The following DAB1 variants were observed in gnomAD, a reference collection of about 807,000 sequenced individuals.
The protein encoded by DAB1 is disabled homolog 1.
DAB1 carries 15 observed loss-of-function variants against 64.6 expected under a neutral mutation model. The ratio of observed to expected loss-of-function variants is 0.23; its 90% CI spans 0.16 to 0.36. The LOEUF (loss-of-function observed/expected upper bound fraction) is 0.36. Among genes scored for constraint, DAB1 ranks in the 10% least tolerant of loss-of-function variants. The pLI is 1.00. For synonymous variants in DAB1, 235 were observed against 251.9 expected (o/e 0.93, Z 0.64); for missense variants, 596 against 706.7 (o/e 0.84, Z 1.78).
At chr1:57,673,819 T>C (rs1385014579) in intron 6 of DAB1, among the ~76,000 whole-genome samples, 1 of 152,204 alleles carries the variant, frequency 6.6e-6, no homozygotes, top group Non-Finnish European at 1.5e-5. Context: ...ATAGACTAAT[T>C]AGTCTTTCAC....
At chr1:58,528,085 T>A (rs1440000912) in intron 1 of DAB1, among the ~76,000 whole-genome samples, 1 of 152,246 alleles carries the variant, frequency 6.6e-6, no homozygotes, top group African/African-American at 2.4e-5. Flanking sequence ...TGAAATAATA[T>A]AATAAATCTG....
At chr1:58,024,313 G>T (rs1442105744) in intron 5 of DAB1, among the ~76,000 whole-genome samples, 1 of 152,128 alleles carries the variant, frequency 6.6e-6, no homozygotes, top group African/African-American at 2.4e-5. Flanking sequence ...GGTTTGAGTT[G>T]GCCTGAGTCA....
At chr1:57,657,081 C>G (rs1349401208) in intron 6 of DAB1, among the ~76,000 whole-genome samples, 3 of 152,172 alleles carry the variant, frequency 2.0e-5, no homozygotes, top group African/African-American at 7.2e-5. Context: ...GGCTTAGAAC[C>G]CCAGCATCTC....
At chr1:58,328,424 G>A (rs190137414) in intron 4 of DAB1, among the ~76,000 whole-genome samples, 1 of 152,276 alleles carries the variant, frequency 6.6e-6, no homozygotes, top group Non-Finnish European at 1.5e-5. Flanking sequence ...ATCCTCTCCA[G>A]CAGCATCGGC....
chr1:57,257,978 C>A (rs1219643002), intron 2 of DAB1, among the ~76,000 whole-genome samples: 1 of 152,172 alleles, frequency 6.6e-6, no homozygotes, highest in African/African-American at 2.4e-5. Context: ...CCTGCAATAT[C>A]CCATGTAAGG....
chr1:58,397,465 C>G (rs138462964), intron 3 of DAB1, among the ~76,000 whole-genome samples: 12 of 152,270 alleles, frequency 7.9e-5, no homozygotes, highest in African/African-American at 2.9e-4. Context: ...TTACCTCTCT[C>G]GTCAACCCTC....
At chr1:57,655,999 C>T (rs760287654) in intron 6 of DAB1, among the ~76,000 whole-genome samples, 2 of 152,122 alleles carry the variant, frequency 1.3e-5, no homozygotes, top group African/African-American at 4.8e-5. Flanking sequence ...CCCAATATGA[C>T]GGTCTTAGGA....
Position 57,262,993 on chromosome 1 carries a change from C to T in DAB1, c.67+27971G>A, listed in dbSNP as rs75003094. 4.7e-3 allele frequency among the ~76,000 whole-genome samples: 717 copies of T among 152,304 alleles called. 6 individuals carry two copies. The highest frequency in any genetic ancestry group is 0.016 in the African/African-American group (674 of 41,556). ...GTGTGGTGGTATAAGGGGCTATCTT[C>T]CCTCAAGGAGCTCATGGACGTGAAT... On this transcript the variant is annotated intron_variant, in intron 2 of 14. Coordinates refer to ENST00000371236, the MANE Select transcript of DAB1 (RefSeq NM_001365792.1).
At chr1:57,778,800 G>A (rs1012695839) in intron 6 of DAB1, among the ~76,000 whole-genome samples, 4 of 151,830 alleles carry the variant, frequency 2.6e-5, no homozygotes, top group Non-Finnish European at 4.4e-5. Flanking sequence ...AATTTATTCC[G>A]CCTTGCTTTT....
intron 1 of DAB1, among the ~76,000 whole-genome samples, chr1:57,386,406 A>G (rs928213210): frequency 1.3e-5 from 2 of 149,704 alleles, no homozygotes; most frequent in Admixed American, 1.3e-4. Flanking sequence ...TTTCATCTCC[A>G]TAAACACGGG....
At chr1:58,534,873 T>C (rs1646493125) in intron 1 of DAB1, among the ~76,000 whole-genome samples, 1 of 151,934 alleles carries the variant, frequency 6.6e-6, no homozygotes, top group African/African-American at 2.4e-5. Flanking sequence ...GAGGTGGAGG[T>C]TGCAGTGAGC....
At chr1:57,031,966 G>A (rs778068200) in intron 9 of DAB1, among the ~76,000 whole-genome samples, 3 of 152,202 alleles carry the variant, frequency 2.0e-5, no homozygotes, top group Non-Finnish European at 4.4e-5. Flanking sequence ...AGGAAAAGTA[G>A]CTTCGATGTT....
chr1:58,056,568 TC>T, intron 5 of DAB1: 1 of 770,908 alleles, frequency 1.3e-6, no homozygotes, highest in East Asian at 2.5e-5. Context: ...TCCCCCATTT[TC>T]TGGCTCTCAG....
chr1:57,240,640 A>G (rs771812140), intron 2 of DAB1, among the ~76,000 whole-genome samples: 4 of 152,182 alleles, frequency 2.6e-5, no homozygotes, highest in Non-Finnish European at 4.4e-5. Context: ...CTTACATTGT[A>G]TAACACTGCC....
chr1:58,533,387 T>C (rs1451993575), intron 1 of DAB1, among the ~76,000 whole-genome samples: 1 of 152,184 alleles, frequency 6.6e-6, no homozygotes, highest in East Asian at 1.9e-4. Context: ...TATAAAATAG[T>C]AATAATAAAT....
At chr1:57,556,723 T>G (rs909962452) in intron 7 of DAB1, among the ~76,000 whole-genome samples, 8 of 152,370 alleles carry the variant, frequency 5.3e-5, no homozygotes, top group Middle Eastern at 3.4e-3. Flanking sequence ...TCTCCCACTC[T>G]GTGGGTTGTC....
At chr1:58,393,449 A>T (rs1644493155) in intron 3 of DAB1, among the ~76,000 whole-genome samples, 1 of 152,204 alleles carries the variant, frequency 6.6e-6, no homozygotes, top group African/African-American at 2.4e-5. Context: ...TTTAATCTTC[A>T]CAAACTCTAA....
chr1:58,298,590 G>A (rs960588974), intron 4 of DAB1, among the ~76,000 whole-genome samples: 4 of 152,218 alleles, frequency 2.6e-5, no homozygotes, highest in Non-Finnish European at 2.9e-5. Context: ...CTGCAGGTGC[G>A]GCAGACATTC....
intron 3 of DAB1, among the ~76,000 whole-genome samples, chr1:58,495,111 C>G (rs1296558066): frequency 6.6e-6 from 1 of 152,108 alleles, no homozygotes; most frequent in Non-Finnish European, 1.5e-5. Flanking sequence ...GAGTTCATGT[C>G]CTTTGTAGGG....
Sources: gnomAD v4.1 joint callset for allele counts (sites outside exome capture counted in the v4.1 genomes callset) on GRCh38, gnomAD v4.1.1 for gene constraint, MANE v1.5 for transcripts, NCBI Gene and HGNC (gene_info 2026-07-23, HGNC 2026-07-21) for gene names.